Variants in CPS1 observed in about 807,000 individuals in gnomAD.
CPS1 encodes carbamoyl-phosphate synthase [ammonia], mitochondrial.
Under a neutral mutation model 174.6 loss-of-function variants are expected in CPS1, and 109 were observed. That is an observed-to-expected ratio of 0.62 (90% CI 0.53 to 0.73). The LOEUF (loss-of-function observed/expected upper bound fraction) is 0.73. Among genes scored for constraint, CPS1 ranks in the 30% least tolerant of loss-of-function variants. The pLI is 0.00. For synonymous variants in CPS1, 637 were observed against 632.0 expected, an observed-to-expected ratio of 1.01 and a Z score of -0.12; for missense variants, 1,689 against 1,821.9, an observed-to-expected ratio of 0.93 and a Z score of 1.33.
At chr2:210,628,849 T>A (rs1029653984) in intron 21 of CPS1, among the ~76,000 whole-genome samples, 2 of 152,086 alleles carry the variant, frequency 1.3e-5, no homozygotes. Context: ...TAATTCTTTC[T>A]AGAAGTCAAA....
At chr2:210,479,791 A>T (rs1370090203) in intron 1 of CPS1, among the ~76,000 whole-genome samples, 1 of 152,172 alleles carries the variant, frequency 6.6e-6, no homozygotes, top group Admixed American at 6.5e-5. Context: ...ACTTTTGATA[A>T]ATTTAGGATG....
intron 24 of CPS1, among the ~76,000 whole-genome samples, chr2:210,640,522 G>A (rs559646130): frequency 6.6e-6 from 1 of 152,106 alleles, no homozygotes; most frequent in Non-Finnish European, 1.5e-5. Context: ...TGTCTGTTTG[G>A]TGCATGGGTA....
At chr2:210,519,340 A>T (rs894497777) in intron 1 of CPS1, among the ~76,000 whole-genome samples, 4 of 152,068 alleles carry the variant, frequency 2.6e-5, no homozygotes, top group Non-Finnish European at 5.9e-5. Context: ...AATATATTTC[A>T]TATTCTTTTG....
At chr2:210,497,893 C>CATATATATATATATATATATATATATAG (rs59178446) in intron 1 of CPS1, among the ~76,000 whole-genome samples, 1 of 86,940 alleles carries the variant, frequency 1.2e-5, no homozygotes, top group Non-Finnish European at 2.3e-5. Flanking sequence ...TATATACATA[C>CATATATATATATATATATATATATATAG]ATATATATAT....
intron 21 of CPS1, among the ~76,000 whole-genome samples, chr2:210,632,715 T>G (rs1699906929): frequency 6.6e-6 from 1 of 152,228 alleles, no homozygotes; most frequent in South Asian, 2.1e-4. Flanking sequence ...GGAGGATTGC[T>G]AAGTGTTTTG....
chr2:210,570,043 G>T (rs1697425298), intron 1 of CPS1, among the ~76,000 whole-genome samples: 1 of 151,910 alleles, frequency 6.6e-6, no homozygotes, highest in Non-Finnish European at 1.5e-5. Flanking sequence ...TTAGAAGAAA[G>T]GATTCCAAAT....
intron 16 of CPS1, among the ~76,000 whole-genome samples, chr2:210,602,822 A>C (rs1698773553): frequency 6.6e-6 from 1 of 151,938 alleles, no homozygotes. Context: ...TGTCTAAAAT[A>C]TACATGGTAT....
intron 21 of CPS1, chr2:210,618,362 C>T (rs1699387424): frequency 6.6e-6 from 1 of 152,038 alleles, no homozygotes; most frequent in Non-Finnish European, 1.5e-5. Flanking sequence ...CAAAAACTTA[C>T]ACTTAAAATC....
At chr2:210,660,421 A>C in intron 31 of CPS1, 64 bp from the exon 32 acceptor site, 1 of 1,470,732 alleles carries the variant, frequency 6.8e-7, no homozygotes, top group Non-Finnish European at 9.5e-7. Flanking sequence ...GGTAGAGAGA[A>C]TATTAATATT....
At chr2:210,540,841 A>G (rs377006233) in intron 1 of CPS1, among the ~76,000 whole-genome samples, 1 of 152,180 alleles carries the variant, frequency 6.6e-6, no homozygotes. Flanking sequence ...ACTTTATAAT[A>G]TTGACTACTA....
intron 16 of CPS1, among the ~76,000 whole-genome samples, chr2:210,603,292 A>C (rs1370137052): frequency 6.6e-6 from 1 of 151,924 alleles, no homozygotes; most frequent in Non-Finnish European, 1.5e-5. Context: ...CTGAAGTGAA[A>C]TGAGACCCTT....
intron 19 of CPS1, among the ~76,000 whole-genome samples, chr2:210,609,328 A>G (rs1195000266): frequency 6.6e-6 from 1 of 151,928 alleles, no homozygotes; most frequent in Non-Finnish European, 1.5e-5. Context: ...TTCTGCATCC[A>G]GAAGGTTTGG....
In CPS1 at chr2:210,522,362, G is replaced by C. The variant is rs16844573; in HGVS notation, c.4-34357G>C. On this transcript the variant is annotated intron_variant, in intron 1 of 38. Coordinates refer to the CPS1 transcript ENST00000430249. ...CTTGTATTTTAAGGATCAAGCTTTG[G>C]TGTAGTTAAGTGTTATTTTTAAGAA... 7.2e-3 allele frequency among the ~76,000 whole-genome samples: 1,098 copies of C among 152,056 alleles called. 11 individuals carry two copies. The highest frequency in any genetic ancestry group is 0.025 in the African/African-American group (1,046 of 41,526).
At chr2:210,573,462 A>C (rs1274515852) in intron 2 of CPS1, 55 bp downstream of exon 2, 1 of 1,282,982 alleles carries the variant, frequency 7.8e-7, no homozygotes, top group East Asian at 2.3e-5. Flanking sequence ...AATAACTGGA[A>C]GATCTCACTC....
intron 1 of CPS1, among the ~76,000 whole-genome samples, chr2:210,488,412 C>T (rs1367522225): frequency 6.6e-6 from 1 of 152,314 alleles, no homozygotes; most frequent in African/African-American, 2.4e-5. Context: ...CAACATATGA[C>T]TGGGCCTGTG....
At chr2:210,534,837 C>G (rs1696205918) in intron 1 of CPS1, among the ~76,000 whole-genome samples, 1 of 152,174 alleles carries the variant, frequency 6.6e-6, no homozygotes, top group African/African-American at 2.4e-5. Context: ...TATAGATGAT[C>G]TAAGTTACTG....
intron 21 of CPS1, among the ~76,000 whole-genome samples, chr2:210,624,100 G>C (rs1182632944): frequency 1.3e-5 from 2 of 151,954 alleles, no homozygotes; most frequent in Non-Finnish European, 2.9e-5. Context: ...TTTTGTGATA[G>C]CATCTATTAT....
At chr2:210,608,176 A>G (rs1698987303) in intron 18 of CPS1, among the ~76,000 whole-genome samples, 185 bp from the exon 19 acceptor site, 3 of 151,968 alleles carry the variant, frequency 2.0e-5, no homozygotes, top group South Asian at 2.1e-4. Context: ...GTGCCTCTAT[A>G]CTTTGTATCA....
chr2:210,637,605 A>C (rs1700076436), intron 21 of CPS1, 97 bp from the exon 22 acceptor site: 2 of 1,269,502 alleles, frequency 1.6e-6, no homozygotes, highest in Non-Finnish European at 2.3e-6. Context: ...TTGAAGGTGG[A>C]AAATAAGAAG....
Sources: gnomAD v4.1 joint callset for allele counts (sites outside exome capture counted in the v4.1 genomes callset) on GRCh38, gnomAD v4.1.1 for gene constraint, MANE v1.5 for transcripts, NCBI Gene and HGNC (gene_info 2026-07-23, HGNC 2026-07-21) for gene names.